PRTFDC1: variants seen among roughly 807,000 people sequenced by gnomAD.
PRTFDC1 encodes phosphoribosyltransferase domain-containing protein 1.
PRTFDC1 carries 38 observed loss-of-function variants against 34.6 expected under a neutral mutation model. The ratio of observed to expected loss-of-function variants is 1.10; its 90% CI spans 0.85 to 1.44. The LOEUF (loss-of-function observed/expected upper bound fraction) is 1.44, where lower values mean the gene tolerates loss of function less well. Ranked by LOEUF, PRTFDC1 falls within the 40% of genes most tolerant of loss-of-function variation. The pLI, the probability that PRTFDC1 is intolerant of heterozygous loss-of-function variation, is 0.00. For missense variants in PRTFDC1, 270 were observed against 283.0 expected, an observed-to-expected ratio of 0.95 and a Z score of 0.33; for synonymous variants, 93 against 98.1, an observed-to-expected ratio of 0.95 and a Z score of 0.31.
chr10:24,908,789 C>A, intron 3 of PRTFDC1: 1 of 1,426,234 alleles, frequency 7.0e-7, no homozygotes, highest in Non-Finnish European at 9.2e-7. Flanking sequence ...TGACTGATGC[C>A]ACAGCCAGAT....
At position 24,927,297 on chromosome 10, in the gene PRTFDC1, T is replaced by C. The variant is rs116568887; in HGVS notation, c.339+9887A>G. 1.9e-3 allele frequency among the ~76,000 whole-genome samples: 288 copies of C among 152,314 alleles called. 2 individuals carry two copies. Among genetic ancestry groups the C allele is most frequent in the African/African-American group, 6.8e-3 (281 of 41,570 alleles). ...CTCTTTGTTTCAGTACACATAGGAA[T>C]AAGACAGATGTTTCAGCGTTTCTAT... On this transcript the variant is annotated intron_variant, in intron 3 of 8. Transcript: ENST00000320152.
intron 3 of PRTFDC1, among the ~76,000 whole-genome samples, chr10:24,896,996 G>C (rs1208130588): frequency 1.3e-5 from 2 of 152,170 alleles, no homozygotes; most frequent in African/African-American, 4.8e-5. Flanking sequence ...AATTGCTTAA[G>C]TCCAGGAGTT....
intron 3 of PRTFDC1, among the ~76,000 whole-genome samples, chr10:24,894,592 T>G (rs1330949120): frequency 6.6e-6 from 1 of 152,144 alleles, no homozygotes; most frequent in African/African-American, 2.4e-5. Flanking sequence ...GGAGCCAATC[T>G]CGGTTTGTGG....
chr10:24,861,272 G>C (rs973144635), intron 4 of PRTFDC1, among the ~76,000 whole-genome samples: 1 of 152,122 alleles, frequency 6.6e-6, no homozygotes, highest in Non-Finnish European at 1.5e-5. Flanking sequence ...AGGCTGAGGC[G>C]GGCAAATCAC....
intron 4 of PRTFDC1, among the ~76,000 whole-genome samples, chr10:24,868,710 T>G (rs972406522): frequency 1.3e-5 from 2 of 152,166 alleles, no homozygotes; most frequent in Non-Finnish European, 2.9e-5. Flanking sequence ...TTTCATCCAC[T>G]GCAGATATTT....
intron 1 of PRTFDC1, among the ~76,000 whole-genome samples, chr10:24,944,070 C>T (rs1350436966): frequency 6.6e-6 from 1 of 152,098 alleles, no homozygotes; most frequent in Non-Finnish European, 1.5e-5. Flanking sequence ...CCTCTCTCCC[C>T]CTTTCCTCCT....
chr10:24,875,366 C>T (rs903982796), intron 3 of PRTFDC1, among the ~76,000 whole-genome samples: 15 of 152,218 alleles, frequency 9.9e-5, no homozygotes, highest in African/African-American at 3.4e-4. Context: ...TCCTATCTGC[C>T]TGTAACTTTG....
chr10:24,942,226 T>C (rs1564320480), intron 2 of PRTFDC1, 104 bp downstream of exon 2: 9 of 902,078 alleles, frequency 1.0e-5, no homozygotes, highest in Non-Finnish European at 1.4e-5. Flanking sequence ...TCTACCACTA[T>C]AAAACGCAGC....
intron 1 of PRTFDC1, chr10:24,951,608 C>G: frequency 1.0e-6 from 1 of 985,386 alleles, no homozygotes; most frequent in Non-Finnish European, 1.2e-6. Flanking sequence ...AAGCTGATCC[C>G]TGGAAAGAGA....
At chr10:24,853,516 G>A (rs927551345) in intron 7 of PRTFDC1, among the ~76,000 whole-genome samples, 10 of 152,104 alleles carry the variant, frequency 6.6e-5, no homozygotes, top group African/African-American at 2.4e-4. Flanking sequence ...GCTGAGGCAG[G>A]AGAATCACTT....
intron 1 of PRTFDC1, among the ~76,000 whole-genome samples, chr10:24,946,850 T>C (rs2132621255): frequency 6.6e-6 from 1 of 152,318 alleles, no homozygotes; most frequent in Non-Finnish European, 1.5e-5. Flanking sequence ...AACTATACAT[T>C]TGAGGCCTGG....
intron 3 of PRTFDC1, among the ~76,000 whole-genome samples, chr10:24,913,723 A>G (rs1353870523): frequency 3.9e-5 from 6 of 152,346 alleles, no homozygotes; most frequent in Non-Finnish European, 7.3e-5. Flanking sequence ...CCACTTTGGC[A>G]ATGATTTTAA....
intron 3 of PRTFDC1, among the ~76,000 whole-genome samples, chr10:24,882,588 C>T (rs1054005235): frequency 2.0e-5 from 3 of 152,108 alleles, no homozygotes; most frequent in Non-Finnish European, 4.4e-5. Context: ...TGAGTGATTC[C>T]CACCCAAACT....
At chr10:24,924,029 G>A (rs192160642) in intron 3 of PRTFDC1, among the ~76,000 whole-genome samples, 23 of 152,224 alleles carry the variant, frequency 1.5e-4, no homozygotes, top group Admixed American at 1.2e-3. Flanking sequence ...TAGCTGATTC[G>A]ATCAAGTAGA....
intron 3 of PRTFDC1, among the ~76,000 whole-genome samples, chr10:24,880,238 TTTTTTTTTC>T (rs914995436): frequency 7.3e-5 from 11 of 151,512 alleles, no homozygotes; most frequent in South Asian, 4.2e-4. Context: ...GTCTTTAGTA[TTTTTTTTTC>T]TTTTTTTTCT....
intron 3 of PRTFDC1, among the ~76,000 whole-genome samples, chr10:24,885,029 C>G (rs973378380): frequency 6.6e-6 from 1 of 152,254 alleles, no homozygotes; most frequent in Non-Finnish European, 1.5e-5. Context: ...CCTTGCCCAG[C>G]AGATACCATG....
intron 3 of PRTFDC1, among the ~76,000 whole-genome samples, chr10:24,932,089 C>G (rs575355224): frequency 3.3e-5 from 5 of 151,922 alleles, no homozygotes; most frequent in African/African-American, 1.2e-4. Flanking sequence ...TTTACCATAT[C>G]AACATCTCTA....
intron 3 of PRTFDC1, among the ~76,000 whole-genome samples, chr10:24,872,656 A>T (rs1258687604): frequency 2.0e-5 from 3 of 151,494 alleles, no homozygotes; most frequent in African/African-American, 4.9e-5. Context: ...AGTCCTAAGA[A>T]TATGACACTC....
At chr10:24,950,395 T>A (rs893704837) in intron 1 of PRTFDC1, among the ~76,000 whole-genome samples, 1 of 152,136 alleles carries the variant, frequency 6.6e-6, no homozygotes, top group African/African-American at 2.4e-5. Flanking sequence ...CCAGTAAGCA[T>A]CTCCTTTCAG....
Sources: gnomAD v4.1 joint callset for allele counts (sites outside exome capture counted in the v4.1 genomes callset) on GRCh38, gnomAD v4.1.1 for gene constraint, MANE v1.5 for transcripts, NCBI Gene and HGNC (gene_info 2026-07-23, HGNC 2026-07-21) for gene names.